Variants in RIMBP2 observed in about 807,000 individuals in gnomAD.
RIMBP2 encodes the protein RIMS binding protein 2.
A neutral mutation model predicts 118.6 loss-of-function variants in RIMBP2; 48 were observed. The ratio of observed to expected loss-of-function variants is 0.40; its 90% CI spans 0.32 to 0.51. RIMBP2 has a LOEUF of 0.51. RIMBP2 is among the 20% of genes least tolerant of loss of function. The pLI, the probability that RIMBP2 is intolerant of heterozygous loss-of-function variation, is 0.41. For synonymous variants in RIMBP2, 762 were observed against 742.9 expected (o/e 1.03, Z -0.42); for missense variants, 1,551 against 1,768.3 (o/e 0.88, Z 2.20).
rs7134537 is a variant in RIMBP2 at position 130,409,289 on chromosome 12, C to A, written c.3590-1460G>T. 4.9e-3 allele frequency among the ~76,000 whole-genome samples: 745 copies of A among 151,322 alleles called. 5 individuals are homozygous for A. The highest frequency in any genetic ancestry group is 0.017 in the African/African-American group (714 of 41,240). ...ATCTGTTTCCTGTCCCAGACCTTGA[C>A]CCTTTCCAGAATGTCACTAAAAGGG... On this transcript the variant is annotated intron_variant, in intron 19 of 22. Coordinates refer to ENST00000690449, the MANE Select transcript of RIMBP2 (RefSeq NM_001393629.1).
At chr12:130,560,773 G>A (rs1033360019) in intron 2 of RIMBP2, among the ~76,000 whole-genome samples, 2 of 152,154 alleles carry the variant, frequency 1.3e-5, no homozygotes, top group East Asian at 1.9e-4. Flanking sequence ...ATATCTCATC[G>A]TGGCCTCCCT....
intron 3 of RIMBP2, among the ~76,000 whole-genome samples, chr12:130,510,884 C>T (rs534303613): frequency 2.0e-5 from 3 of 152,212 alleles, no homozygotes; most frequent in African/African-American, 7.2e-5. Flanking sequence ...AAGGCCATGG[C>T]TCTGGTTCGC....
At chr12:130,539,230 A>C (rs1472537112) in intron 2 of RIMBP2, among the ~76,000 whole-genome samples, 1 of 152,240 alleles carries the variant, frequency 6.6e-6, no homozygotes, top group Non-Finnish European at 1.5e-5. Flanking sequence ...TTATTTCCCT[A>C]CATACATGTA....
chr12:130,405,150 G>A (rs927452469), intron 21 of RIMBP2, among the ~76,000 whole-genome samples: 9 of 152,112 alleles, frequency 5.9e-5, no homozygotes, highest in Non-Finnish European at 1.0e-4. Context: ...ACATTTGACC[G>A]CATGCAAACG....
chr12:130,615,272 C>CACATATATAT (rs1429575646), intron 2 of RIMBP2, among the ~76,000 whole-genome samples: 469 of 38,754 alleles, frequency 0.012, 5 homozygotes, highest in Middle Eastern at 0.033. Flanking sequence ...ACATAATACA[C>CACATATATAT]ATACATATAT....
At chr12:130,440,953 G>T (rs78251229) in intron 11 of RIMBP2, among the ~76,000 whole-genome samples, 2,307 of 152,210 alleles carry the variant, frequency 0.015, 53 homozygotes, top group African/African-American at 0.053. Flanking sequence ...GCAAGAAGAC[G>T]AAGAAAGTGT....
At position 130,434,905 on chromosome 12, in the gene RIMBP2, G is replaced by T. The variant is rs199606823; in HGVS notation, c.2107-25C>A. The T allele has an allele frequency of 5.0e-6, 8 of 1,586,046 alleles. No homozygotes were observed. Among genetic ancestry groups the T allele is most frequent in the Middle Eastern group, 1.7e-4 (1 of 5,934 alleles). ...ACTTGGAAAGAAAAAGGAGGCACAC[G>T]GGTGAGGCAGGGCCACCTTCAGCTA... On this transcript the variant is annotated intron_variant, in intron 13 of 22. Coordinates refer to ENST00000690449, the MANE Select transcript of RIMBP2 (RefSeq NM_001393629.1). This position sits in a 1 kb window ranked among gnomAD's most constrained non-coding sequence, Gnocchi z 5.7.
chr12:130,667,139 GA>G (rs2063981835), intron 1 of RIMBP2, among the ~76,000 whole-genome samples: 1 of 73,400 alleles, frequency 1.4e-5, no homozygotes, highest in African/African-American at 5.2e-5. Flanking sequence ...AGGAGAGAGG[GA>G]GGGAAGGGAG....
intron 7 of RIMBP2, among the ~76,000 whole-genome samples, chr12:130,451,828 AC>A (rs2079034984): frequency 6.6e-6 from 1 of 152,050 alleles, no homozygotes; most frequent in Non-Finnish European, 1.5e-5. Context: ...CTCTTCATCT[AC>A]TCAGGTGACA....
chr12:130,486,667 CTT>C (rs2082509926), intron 4 of RIMBP2, among the ~76,000 whole-genome samples: 1 of 151,644 alleles, frequency 6.6e-6, no homozygotes, highest in Non-Finnish European at 1.5e-5. Flanking sequence ...TCATTCTTGA[CTT>C]CCTGCCCCCT....
intron 2 of RIMBP2, among the ~76,000 whole-genome samples, chr12:130,534,869 A>C (rs971181734): frequency 6.6e-6 from 1 of 152,226 alleles, no homozygotes; most frequent in Non-Finnish European, 1.5e-5. Flanking sequence ...CTATCTGTCT[A>C]GGAAACGGTC....
intron 1 of RIMBP2, 128 bp from the exon 2 acceptor site, chr12:130,628,584 G>A (rs1251926285): frequency 6.6e-6 from 1 of 152,210 alleles, no homozygotes; most frequent in Non-Finnish European, 1.5e-5. Context: ...CCATTTTCCA[G>A]TTCAGAACAC....
chr12:130,460,512 C>G (rs2079881907), intron 6 of RIMBP2, among the ~76,000 whole-genome samples: 1 of 152,102 alleles, frequency 6.6e-6, no homozygotes, highest in Non-Finnish European at 1.5e-5. Flanking sequence ...GGTATAGTAA[C>G]AGTGCTGTTG....
chr12:130,669,469 C>A (rs760439047), intron 1 of RIMBP2, among the ~76,000 whole-genome samples: 1 of 152,068 alleles, frequency 6.6e-6, no homozygotes, highest in Non-Finnish European at 1.5e-5. Flanking sequence ...GCGGTTTCCC[C>A]GTGCTGTTCT....
In RIMBP2 at chr12:130,442,466, C is replaced by T. The variant is rs148429220; in HGVS notation, c.886G>A (p.Asp296Asn). The T allele has an allele frequency of 5.6e-5, 91 of 1,614,038 alleles. No homozygotes were observed. Among genetic ancestry groups the T allele is most frequent in the Middle Eastern group, 1.6e-4 (1 of 6,084 alleles). Residue 296 changes from aspartate to asparagine, a missense_variant, in exon 11 of 23, where the codon GAC becomes AAC. Around this residue, in one of 5 missense-constraint regions of RIMBP2, gnomAD observed 265 missense variants for 349.5 expected, o/e 0.76. Transcript: ENST00000690449. This position sits in a 1 kb window ranked among gnomAD's most constrained non-coding sequence, Gnocchi z 6.9. ...ACGTCCAGGGTCCCGGCACTGTTGT[C>T]GGTGATGCCCGCATCTATGTGGGTT... is the stretch of plus-strand genomic sequence containing the variant. ...SPTHIDAGIT[D>N]NSAGTLDVNI...
chr12:130,592,839 G>T (rs1212415797), intron 2 of RIMBP2, among the ~76,000 whole-genome samples: 4 of 152,180 alleles, frequency 2.6e-5, no homozygotes, highest in Non-Finnish European at 5.9e-5. Context: ...ATCGGGAGCG[G>T]GAGAGATGGA....
At chr12:130,566,194 C>T (rs1282577713) in intron 2 of RIMBP2, among the ~76,000 whole-genome samples, 2 of 152,130 alleles carry the variant, frequency 1.3e-5, no homozygotes, top group Non-Finnish European at 2.9e-5. Context: ...CACACACACA[C>T]ACACACTCAC....
intron 1 of RIMBP2, among the ~76,000 whole-genome samples, chr12:130,664,974 G>C (rs903346193): frequency 7.3e-5 from 11 of 151,602 alleles, no homozygotes; most frequent in Admixed American, 5.9e-4. Flanking sequence ...ACAGCGAGCT[G>C]TCTGGACCAG....
At chr12:130,441,401 A>AAATAATAATAATCATAATAAT (rs772275549) in intron 11 of RIMBP2, among the ~76,000 whole-genome samples, 5 of 122,902 alleles carry the variant, frequency 4.1e-5, no homozygotes, top group Non-Finnish European at 5.2e-5. Flanking sequence ...ACTCCATCTC[A>AAATAATAATAATCATAATAAT]AATAATAATA....
Sources: allele counts gnomAD v4.1 joint callset (sites outside exome capture counted in the v4.1 genomes callset), GRCh38; gene constraint gnomAD v4.1.1; regional missense constraint gnomAD v4.1.1; non-coding constraint Gnocchi (gnomAD v3.1); transcripts MANE v1.5; gene names NCBI Gene and HGNC (gene_info 2026-07-23, HGNC 2026-07-21).